The following MICAL3 variants were observed in gnomAD, a reference collection of about 807,000 sequenced individuals.
MICAL3 encodes [F-actin]-monooxygenase MICAL3.
In MICAL3, 62 loss-of-function variants were observed where a neutral mutation model predicts 207.4. That is an observed-to-expected ratio of 0.30 (90% CI 0.24 to 0.37). The LOEUF is 0.37. MICAL3 is among the 10% of genes least tolerant of loss of function. MICAL3 has a pLI of 1.00. For synonymous variants in MICAL3, 1,077 were observed against 1,069.3 expected (o/e 1.01, Z -0.14); for missense variants, 2,368 against 2,635.6 (o/e 0.90, Z 2.22).
At chr22:17,944,687 C>T (rs1431065174) in intron 1 of MICAL3, among the ~76,000 whole-genome samples, 2 of 152,150 alleles carry the variant, frequency 1.3e-5, no homozygotes, top group East Asian at 1.9e-4. Flanking sequence ...GGGCACTACA[C>T]CCTTTCACGT....
intron 1 of MICAL3, among the ~76,000 whole-genome samples, chr22:18,001,855 G>T (rs1923045498): frequency 6.6e-6 from 1 of 152,226 alleles, no homozygotes; most frequent in African/African-American, 2.4e-5. Context: ...GGAGAAACCC[G>T]GTGGGCATAT....
At chr22:17,877,112 G>A (rs1928661022) in intron 16 of MICAL3, among the ~76,000 whole-genome samples, 5 of 147,848 alleles carry the variant, frequency 3.4e-5, no homozygotes, top group African/African-American at 7.7e-5. Flanking sequence ...AGGTTATGGA[G>A]GTTAGGGAGG....
intron 1 of MICAL3, among the ~76,000 whole-genome samples, chr22:17,931,940 C>T (rs1297480772): frequency 2.0e-5 from 3 of 152,214 alleles, no homozygotes; most frequent in African/African-American, 7.2e-5. Context: ...ATTAAACTTA[C>T]AGTGGTGAAT....
intron 1 of MICAL3, among the ~76,000 whole-genome samples, chr22:17,966,368 G>A (rs975142586): frequency 1.3e-5 from 2 of 152,152 alleles, no homozygotes; most frequent in African/African-American, 2.4e-5. Context: ...GAACCCCGCA[G>A]AAGACCTGCC....
At chr22:17,968,714 C>T (rs1027489528) in intron 1 of MICAL3, among the ~76,000 whole-genome samples, 4 of 152,146 alleles carry the variant, frequency 2.6e-5, no homozygotes, top group African/African-American at 9.7e-5. Flanking sequence ...TTTAGCTCAC[C>T]TTCCTCAAAC....
At chr22:17,821,954 C>T in intron 24 of MICAL3, 76 bp downstream of exon 24, 1 of 1,559,276 alleles carries the variant, frequency 6.4e-7, no homozygotes, top group Non-Finnish European at 8.7e-7. Context: ...AGCGCCTGGC[C>T]CCTGAGCCAC....
At chr22:17,939,370 G>A (rs567929772) in intron 1 of MICAL3, among the ~76,000 whole-genome samples, 3 of 152,136 alleles carry the variant, frequency 2.0e-5, no homozygotes, top group East Asian at 1.9e-4. Flanking sequence ...AGATTCAGCC[G>A]GCACCCAACT....
intron 1 of MICAL3, among the ~76,000 whole-genome samples, chr22:17,975,680 C>T (rs942256992): frequency 3.3e-5 from 5 of 152,106 alleles, no homozygotes; most frequent in African/African-American, 4.8e-5. Flanking sequence ...CAAGTCACCC[C>T]AAGTGTGTCC....
chr22:17,823,324 T>C (rs1430476969), intron 22 of MICAL3, among the ~76,000 whole-genome samples: 2 of 152,256 alleles, frequency 1.3e-5, no homozygotes, highest in Admixed American at 6.5e-5. Flanking sequence ...GGGGGCATTG[T>C]TCCTCTTCCC....
rs1276850245 is a variant in MICAL3, at chr22:17,817,549, G to A, written c.5112C>T (p.Ser1704=). The A allele has an allele frequency of 3.1e-6, 5 of 1,613,480 alleles. No individual in the cohort carries two copies. Among genetic ancestry groups the A allele is most frequent in the Non-Finnish European group, 4.2e-6 (5 of 1,179,800 alleles). ...GKSKKRSSLF[S]PRRNKKEKKS... ...TCTTCTCCTTCTTGTTTCTGCGGGG[G>A]GAGAAGAGTGACGACCTCTTCTTGC... Residue 1704 remains serine, a synonymous_variant, in exon 26 of 32, where the codon TCC becomes TCT. Coordinates refer to ENST00000441493, the MANE Select transcript of MICAL3 (RefSeq NM_015241.3).
At chr22:18,002,299 G>C (rs1923086315) in intron 1 of MICAL3, among the ~76,000 whole-genome samples, 1 of 151,832 alleles carries the variant, frequency 6.6e-6, no homozygotes, top group Non-Finnish European at 1.5e-5. Flanking sequence ...AGAGGTTAGG[G>C]GGAATTTCAA....
chr22:17,858,354 C>A, intron 19 of MICAL3: 1 of 444,900 alleles, frequency 2.2e-6, no homozygotes, highest in Non-Finnish European at 3.0e-6. Flanking sequence ...TATGACTAAT[C>A]TACTTGCTGG....
At chr22:17,838,028 C>T (rs1211973015) in intron 20 of MICAL3, among the ~76,000 whole-genome samples, 2 of 152,198 alleles carry the variant, frequency 1.3e-5, no homozygotes, top group East Asian at 3.8e-4. Context: ...TGATCTTGAA[C>T]TCCTAGACAC....
intron 13 of MICAL3, among the ~76,000 whole-genome samples, chr22:17,888,171 T>A (rs1428625226): frequency 6.6e-6 from 1 of 152,112 alleles, no homozygotes; most frequent in African/African-American, 2.4e-5. Context: ...TTATCCCCAT[T>A]TTACACCCGT....
rs79083489 is a variant in MICAL3 at position 17,887,126 on chromosome 22, C to T, written c.2067+44G>A. 1.1e-3 allele frequency: 1,580 copies of T among 1,481,524 alleles called. 18 individuals carry two copies. The African/African-American group carries it at 0.019, about 18-fold the overall frequency. The allele number at this position is 1,481,524 out of a possible 1,614,324, so 91.8% of individuals were successfully genotyped here. Reference sequence around the variant, plus strand: ...AATGAAGAATTTTAACCAAAAGGGGCTATTCCACATGACCATTCTAGCAAT... The same window carrying T: ...AATGAAGAATTTTAACCAAAAGGGGTTATTCCACATGACCATTCTAGCAAT... On this transcript the variant is annotated intron_variant, in intron 15 of 31. Coordinates refer to ENST00000441493, the MANE Select transcript of MICAL3 (RefSeq NM_015241.3).
chr22:18,009,259 G>A (rs891863178), intron 1 of MICAL3, among the ~76,000 whole-genome samples: 1 of 145,170 alleles, frequency 6.9e-6, no homozygotes, highest in African/African-American at 2.6e-5. Context: ...AAGTCTCTGG[G>A]AAACACGGCA....
intron 1 of MICAL3, among the ~76,000 whole-genome samples, chr22:17,971,894 C>T (rs960996162): frequency 5.3e-5 from 8 of 152,188 alleles, no homozygotes; most frequent in Middle Eastern, 3.2e-3. Flanking sequence ...CCGGCACAGG[C>T]GACAATGCAC....
intron 5 of MICAL3, among the ~76,000 whole-genome samples, chr22:17,901,527 G>A (rs1358055229): frequency 6.6e-6 from 1 of 152,092 alleles, no homozygotes; most frequent in East Asian, 1.9e-4. Flanking sequence ...AAAATTAGCT[G>A]GGTATGGTGG....
chr22:17,976,255 C>T (rs1029742260), intron 1 of MICAL3, among the ~76,000 whole-genome samples: 1 of 152,100 alleles, frequency 6.6e-6, no homozygotes, highest in African/African-American at 2.4e-5. Flanking sequence ...AACCCAAATT[C>T]ATTTCTTGCT....
Sources: allele counts gnomAD v4.1 joint callset (sites outside exome capture counted in the v4.1 genomes callset), GRCh38; gene constraint gnomAD v4.1.1; transcripts MANE v1.5; gene names NCBI Gene and HGNC (gene_info 2026-07-23, HGNC 2026-07-21).